WDR47: variants seen among roughly 807,000 people sequenced by gnomAD.
The protein encoded by WDR47 is WD repeat domain 47.
In WDR47, 32 loss-of-function variants were observed where a neutral mutation model predicts 97.2. The ratio of observed to expected loss-of-function variants is 0.33; its 90% CI spans 0.25 to 0.44. The LOEUF (loss-of-function observed/expected upper bound fraction) is 0.44. Ranked by LOEUF, WDR47 falls within the 20% of genes least tolerant of loss-of-function variation. WDR47 has a pLI of 1.00. For missense variants in WDR47, 782 were observed against 1,102.3 expected, an observed-to-expected ratio of 0.71 and a Z score of 4.11; for synonymous variants, 375 against 373.5, an observed-to-expected ratio of 1.00 and a Z score of -0.05.
At chr1:109,036,605 G>C (rs1282089765) in intron 1 of WDR47, among the ~76,000 whole-genome samples, 4 of 150,794 alleles carry the variant, frequency 2.7e-5, no homozygotes, top group Non-Finnish European at 4.4e-5. Flanking sequence ...GGAAGGCCGA[G>C]GCAAGCGGAT....
At chr1:109,022,500 A>T (rs1661915066) in intron 2 of WDR47, among the ~76,000 whole-genome samples, 1 of 152,218 alleles carries the variant, frequency 6.6e-6, no homozygotes, top group Non-Finnish European at 1.5e-5. Context: ...CAATGGAGTG[A>T]TGACTCTTGT....
At chr1:109,026,468 C>G (rs1662224285) in intron 1 of WDR47, among the ~76,000 whole-genome samples, 1 of 151,902 alleles carries the variant, frequency 6.6e-6, no homozygotes, top group Non-Finnish European at 1.5e-5. Flanking sequence ...TTCCTCAAAT[C>G]TTTAGACAAT....
chr1:109,011,229 G>A lies in WDR47; in HGVS notation c.817C>T (p.Leu273=), dbSNP rs367874113. 6.2e-7 allele frequency: 1 copy of A among 1,614,108 alleles called. No individual in the cohort carries two copies. Residue 273 remains leucine, a synonymous_variant, in exon 5 of 15, where the codon CTG becomes TTG. Transcript: ENST00000369962. ...KMLNIHVDKL[L]KPTKAAYADL... ...GCATATGCAGCTTTTGTAGGTTTCA[G>A]AAGTTTGTCAACATGAATATTAAGC...
At chr1:109,023,882 C>T (rs1314790635) in intron 1 of WDR47, among the ~76,000 whole-genome samples, 7 of 152,070 alleles carry the variant, frequency 4.6e-5, no homozygotes, top group African/African-American at 1.7e-4. Context: ...ATTATATAAT[C>T]CTGTCTACTC....
chr1:109,010,257 T>A (rs957502094), intron 5 of WDR47, among the ~76,000 whole-genome samples: 3 of 152,024 alleles, frequency 2.0e-5, no homozygotes, highest in African/African-American at 7.2e-5. Flanking sequence ...GACCTGAACA[T>A]TAAGAAAACA....
chr1:109,006,081 A>T (rs977790831), intron 5 of WDR47, among the ~76,000 whole-genome samples: 10 of 152,000 alleles, frequency 6.6e-5, no homozygotes, highest in African/African-American at 2.4e-4. Context: ...ATTTTTAAGA[A>T]TTTTTGAGAT....
At chr1:108,979,937 A>T (rs1042366933) in intron 13 of WDR47, among the ~76,000 whole-genome samples, 1 of 152,208 alleles carries the variant, frequency 6.6e-6, no homozygotes, top group African/African-American at 2.4e-5. Context: ...GGTGAGTGAC[A>T]AATGAGTGAG....
chr1:108,978,471 G>A (rs1248296185), intron 13 of WDR47, among the ~76,000 whole-genome samples: 29 of 149,212 alleles, frequency 1.9e-4, no homozygotes, highest in East Asian at 2.0e-4. Context: ...CTGGGTGACA[G>A]AGCGAGACTC....
At chr1:109,027,227 T>C (rs1215322455) in intron 1 of WDR47, among the ~76,000 whole-genome samples, 1 of 151,988 alleles carries the variant, frequency 6.6e-6, no homozygotes, top group Non-Finnish European at 1.5e-5. Flanking sequence ...GCTAATTTTT[T>C]GTATTTTTAG....
chr1:108,985,239 GGCCTTATCAAACTCAA>G (rs1557920413), intron 10 of WDR47, among the ~76,000 whole-genome samples: 1 of 152,004 alleles, frequency 6.6e-6, no homozygotes. Flanking sequence ...CTATCTCTGC[GGCCTTATCAAACTCAA>G]GCTCATAATT....
intron 1 of WDR47, among the ~76,000 whole-genome samples, chr1:109,029,700 T>A (rs1029635369): frequency 6.9e-6 from 1 of 145,746 alleles, no homozygotes; most frequent in Non-Finnish European, 1.5e-5. Flanking sequence ...AATAAATAAA[T>A]AAATAAATAA....
chr1:109,036,845 A>T (rs985700903), intron 1 of WDR47, among the ~76,000 whole-genome samples: 1 of 152,076 alleles, frequency 6.6e-6, no homozygotes, highest in Admixed American at 6.6e-5. Context: ...CAAAATAAAT[A>T]AATAAATAAA....
At chr1:108,999,215 AAG>A (rs1321142047) in intron 7 of WDR47, among the ~76,000 whole-genome samples, 1 of 151,308 alleles carries the variant, frequency 6.6e-6, no homozygotes, top group African/African-American at 2.4e-5. Context: ...CAACAAGAGC[AAG>A]ACTCTGTCCC....
intron 14 of WDR47, 58 bp downstream of exon 14, chr1:108,974,478 A>C (rs1034559714): frequency 1.4e-5 from 20 of 1,442,346 alleles, no homozygotes; most frequent in Non-Finnish European, 1.9e-5. Context: ...TTAACAAAAA[A>C]ATAAAGGTCC....
chr1:109,009,946 C>T (rs12410645), intron 5 of WDR47, among the ~76,000 whole-genome samples: 5,569 of 151,550 alleles, frequency 0.037, 121 homozygotes, highest in Admixed American at 0.057. Flanking sequence ...TGCAGTGAGC[C>T]GAGACCGTGC....
intron 1 of WDR47, among the ~76,000 whole-genome samples, chr1:109,031,038 G>A (rs1212747764): frequency 7.2e-6 from 1 of 139,544 alleles, no homozygotes; most frequent in African/African-American, 2.6e-5. Flanking sequence ...GAAACATCAA[G>A]AATATATAGA....
At chr1:108,974,452 A>T in intron 14 of WDR47, 84 bp downstream of exon 14, 1 of 1,039,494 alleles carries the variant, frequency 9.6e-7, no homozygotes, top group Non-Finnish European at 1.4e-6. Flanking sequence ...AGTATTATAT[A>T]ATCAACCACA....
intron 2 of WDR47, among the ~76,000 whole-genome samples, chr1:109,022,524 C>T (rs532945965): frequency 6.6e-6 from 1 of 152,168 alleles, no homozygotes; most frequent in Non-Finnish European, 1.5e-5. Context: ...TTTTAACAGA[C>T]CTCTGGGTCT....
chr1:109,040,035 CAAA>C (rs71281820), intron 1 of WDR47, among the ~76,000 whole-genome samples: 4 of 51,130 alleles, frequency 7.8e-5, no homozygotes, highest in Non-Finnish European at 1.2e-4. Flanking sequence ...GACTCCGTCT[CAAA>C]AAAAAAAAAA....
Sources: allele counts gnomAD v4.1 joint callset (sites outside exome capture counted in the v4.1 genomes callset), GRCh38; gene constraint gnomAD v4.1.1; transcripts MANE v1.5; gene names NCBI Gene and HGNC (gene_info 2026-07-23, HGNC 2026-07-21).